Variants in RTN1 observed in about 807,000 individuals in gnomAD.
The protein encoded by RTN1 is reticulon-1.
In RTN1, 25 loss-of-function variants were observed where a neutral mutation model predicts 65.5. That is an observed-to-expected ratio of 0.38 (90% CI 0.28 to 0.53). RTN1 has a LOEUF of 0.53. Ranked by LOEUF, RTN1 falls within the 20% of genes least tolerant of loss-of-function variation. The probability of loss-of-function intolerance (pLI) is 0.79; values close to 1 mark genes in which losing one functional copy is unlikely to be tolerated. For missense variants in RTN1, 983 were observed against 1,025.4 expected (o/e 0.96, Z 0.57); for synonymous variants, 471 against 447.6 (o/e 1.05, Z -0.66).
At chr14:59,599,603 T>C (rs942411626) in intron 8 of RTN1, among the ~76,000 whole-genome samples, 2 of 152,170 alleles carry the variant, frequency 1.3e-5, no homozygotes, top group Non-Finnish European at 2.9e-5. Flanking sequence ...TCCATTTTTT[T>C]CCACAAGGAC....
chr14:59,672,238 C>G (rs1883521897), intron 3 of RTN1, among the ~76,000 whole-genome samples: 1 of 152,128 alleles, frequency 6.6e-6, no homozygotes, highest in Non-Finnish European at 1.5e-5. Flanking sequence ...AAATAGCCAG[C>G]AATTATGGTG....
At chr14:59,626,752 A>T (rs1185220960) in intron 3 of RTN1, among the ~76,000 whole-genome samples, 2 of 152,206 alleles carry the variant, frequency 1.3e-5, no homozygotes, top group Non-Finnish European at 1.5e-5. Context: ...GTAATAAAAA[A>T]AGTCTCACGG....
rs184827355 is a variant in RTN1, at chr14:59,766,283, G to A, written c.242-19802C>T. 6.6e-6 allele frequency among the ~76,000 whole-genome samples: 1 copy of A among 152,120 alleles called. No individual in the cohort carries two copies. The highest frequency in any genetic ancestry group is 1.9e-4 in the East Asian group (1 of 5,164). On this transcript the variant is annotated intron_variant, in intron 1 of 8. Coordinates refer to ENST00000267484, the MANE Select transcript of RTN1 (RefSeq NM_021136.3). The surrounding 1 kb of genome is among the most constrained non-coding windows in gnomAD (Gnocchi z 4.4). ...GAATTTAATCTGTGCCTCAACACAAGGTAGTTTTCGAAATAAATGCTTACT... is the reference window on the plus strand; with the variant it reads ...GAATTTAATCTGTGCCTCAACACAAAGTAGTTTTCGAAATAAATGCTTACT...
At chr14:59,758,319 A>G (rs1033175441) in intron 1 of RTN1, among the ~76,000 whole-genome samples, 3 of 151,878 alleles carry the variant, frequency 2.0e-5, no homozygotes, top group African/African-American at 7.3e-5. Flanking sequence ...CACTATTACC[A>G]TGTCACTTCT....
chr14:59,656,106 G>A (rs2140203097), intron 3 of RTN1, among the ~76,000 whole-genome samples: 1 of 152,262 alleles, frequency 6.6e-6, no homozygotes, highest in East Asian at 1.9e-4. Flanking sequence ...CATTATGCTA[G>A]GAGAAAGAAG....
At chr14:59,864,552 G>A (rs1251124984) in intron 1 of RTN1, among the ~76,000 whole-genome samples, 3 of 150,330 alleles carry the variant, frequency 2.0e-5, no homozygotes, top group African/African-American at 4.9e-5. Flanking sequence ...CCCCCACCAA[G>A]AAAAAAAAAG....
At chr14:59,810,491 T>C (rs1048597591) in intron 1 of RTN1, among the ~76,000 whole-genome samples, 1 of 152,160 alleles carries the variant, frequency 6.6e-6, no homozygotes, top group African/African-American at 2.4e-5. Context: ...CATGAAACTA[T>C]GGTGGGCTAA....
chr14:59,599,203 C>T (rs941201991), intron 8 of RTN1, among the ~76,000 whole-genome samples: 2 of 152,196 alleles, frequency 1.3e-5, no homozygotes, highest in South Asian at 4.1e-4. Context: ...TCTCATCTAT[C>T]CCTCGCCGCA....
chr14:59,835,108 T>C (rs1309111600), intron 1 of RTN1, among the ~76,000 whole-genome samples: 1 of 152,148 alleles, frequency 6.6e-6, no homozygotes, highest in Non-Finnish European at 1.5e-5. Flanking sequence ...CCAATGACTA[T>C]CATCAGGTGA....
intron 3 of RTN1, among the ~76,000 whole-genome samples, chr14:59,656,613 G>C: frequency 6.6e-6 from 1 of 152,206 alleles, no homozygotes; most frequent in East Asian, 1.9e-4. Context: ...CTCTAGGCCA[G>C]CCTGTCCTCT....
intron 1 of RTN1, among the ~76,000 whole-genome samples, chr14:59,840,638 C>G (rs997651654): frequency 6.6e-6 from 1 of 152,154 alleles, no homozygotes; most frequent in African/African-American, 2.4e-5. Flanking sequence ...TATAATAATT[C>G]CAAAACTAAA....
chr14:59,710,219 C>T (rs368099447), intron 3 of RTN1, among the ~76,000 whole-genome samples: 1 of 140,798 alleles, frequency 7.1e-6, no homozygotes, highest in African/African-American at 3.2e-5. Flanking sequence ...ATTTTTGTAT[C>T]TTTTTTTTGT....
At chr14:59,712,215 A>G (rs1324045543) in intron 3 of RTN1, among the ~76,000 whole-genome samples, 1 of 152,196 alleles carries the variant, frequency 6.6e-6, no homozygotes, top group Non-Finnish European at 1.5e-5. Flanking sequence ...AGGGAGCCCC[A>G]AAATACATAG....
intron 1 of RTN1, among the ~76,000 whole-genome samples, chr14:59,760,120 T>A (rs1885719674): frequency 6.6e-6 from 1 of 152,198 alleles, no homozygotes; most frequent in African/African-American, 2.4e-5. Context: ...AAAGCCTAGC[T>A]AAACAATGTA....
At chr14:59,693,683 T>C (rs1175450884) in intron 3 of RTN1, among the ~76,000 whole-genome samples, 1 of 152,238 alleles carries the variant, frequency 6.6e-6, no homozygotes, top group Non-Finnish European at 1.5e-5. Context: ...GTGAATGCCA[T>C]TATTTTGTTC....
At chr14:59,613,255 T>A (rs546940936) in intron 3 of RTN1, among the ~76,000 whole-genome samples, 1 of 152,202 alleles carries the variant, frequency 6.6e-6, no homozygotes, top group African/African-American at 2.4e-5. Context: ...GCACTATGGT[T>A]AAAAGTCAGT....
chr14:59,680,003 C>A (rs1195252033), intron 3 of RTN1, among the ~76,000 whole-genome samples: 2 of 152,192 alleles, frequency 1.3e-5, no homozygotes, highest in African/African-American at 4.8e-5. Flanking sequence ...ACCTCTACAA[C>A]ATAGCAACAA....
intron 1 of RTN1, among the ~76,000 whole-genome samples, chr14:59,859,416 C>T (rs1887666468): frequency 6.6e-6 from 1 of 152,236 alleles, no homozygotes; most frequent in African/African-American, 2.4e-5. Flanking sequence ...TGAGGCTTCT[C>T]CAGCCATATG....
chr14:59,760,870 C>G lies in RTN1; in HGVS notation c.242-14389G>C, dbSNP rs541587159. On this transcript the variant is annotated intron_variant, in intron 1 of 8. Coordinates refer to ENST00000267484, the MANE Select transcript of RTN1 (RefSeq NM_021136.3). Reference sequence around the variant, plus strand: ...GTGCTAGTTCCAACCAGAGAATACACTGTAGTTCATCCTGGTCCCTCTAAA... The same window carrying G: ...GTGCTAGTTCCAACCAGAGAATACAGTGTAGTTCATCCTGGTCCCTCTAAA... Among the ~76,000 whole-genome samples the G allele has an allele frequency of 4.6e-5, 7 of 152,334 alleles. No individual in the cohort carries two copies. In the South Asian group the frequency reaches 1.4e-3, roughly 32 times the overall value.
Sources: allele counts gnomAD v4.1 joint callset (sites outside exome capture counted in the v4.1 genomes callset), GRCh38; gene constraint gnomAD v4.1.1; non-coding constraint Gnocchi (gnomAD v3.1); transcripts MANE v1.5; gene names NCBI Gene and HGNC (gene_info 2026-07-23, HGNC 2026-07-21).